CELF2: variants seen among roughly 807,000 people sequenced by gnomAD.
CELF2 encodes the protein CUGBP Elav-like family member 2.
CELF2 carries 8 observed loss-of-function variants against 62.6 expected under a neutral mutation model. The ratio of observed to expected loss-of-function variants is 0.13; its 90% CI spans 0.07 to 0.23. The LOEUF is 0.23. Among genes scored for constraint, CELF2 ranks in the 10% least tolerant of loss-of-function variants. The pLI is 1.00. For missense variants in CELF2, 333 were observed against 671.0 expected, an observed-to-expected ratio of 0.50 and a Z score of 5.56; for synonymous variants, 258 against 250.0, an observed-to-expected ratio of 1.03 and a Z score of -0.30.
At chr10:10,511,860 T>C in the CELF2 span, among the ~76,000 whole-genome samples, 1 of 152,220 alleles carries the variant, frequency 6.6e-6, no homozygotes, top group East Asian at 1.9e-4. Context: ...GTTTTCTTTA[T>C]TGAGGCTACA....
the CELF2 span, among the ~76,000 whole-genome samples, chr10:10,649,250 T>TTCTGAATG: frequency 6.6e-6 from 1 of 152,202 alleles, no homozygotes; most frequent in East Asian, 1.9e-4. Context: ...CAACAACATT[T>TTCTGAATG]TCTGAATGCA....
rs201076 is a variant in CELF2 at position 10,957,989 on chromosome 10, C to G, written c.89+37990C>G. ...TTAAGGAATGTATATGAAATCTTCA[C>G]CAGGTGGAGGGTGAAGTAAGCAAAT... is the stretch of plus-strand genomic sequence containing the variant. On this transcript the variant is annotated intron_variant, in intron 2 of 13. Coordinates refer to the CELF2 transcript ENST00000636488. This position sits in a 1 kb window ranked among gnomAD's most constrained non-coding sequence, Gnocchi z 4.1. Among the ~76,000 whole-genome samples, 18,802 of 152,154 alleles carry G rather than the reference C, an allele frequency of 0.12. 3,933 individuals are homozygous for G. Among genetic ancestry groups the G allele is most frequent in the African/African-American group, 0.43 (17,755 of 41,442 alleles).
chr10:11,003,617 C>T (rs968561417), upstream of CELF2, among the ~76,000 whole-genome samples: 1 of 152,028 alleles, frequency 6.6e-6, no homozygotes, highest in African/African-American at 2.4e-5. The surrounding 1 kb of genome is among the most constrained non-coding windows in gnomAD (Gnocchi z 4.4). Flanking sequence ...TAAAGAGAGC[C>T]ACAGAGAGGT....
At chr10:10,984,343 A>G (rs1475162980) in intron 2 of CELF2, among the ~76,000 whole-genome samples, 1 of 152,238 alleles carries the variant, frequency 6.6e-6, no homozygotes, top group African/African-American at 2.4e-5. Flanking sequence ...GCTGCCAAGT[A>G]GAACAATTAA....
chr10:10,998,256 C>T (rs1299100307), intron 2 of CELF2, among the ~76,000 whole-genome samples: 1 of 152,166 alleles, frequency 6.6e-6, no homozygotes, highest in Non-Finnish European at 1.5e-5. Context: ...TCATGGCTTC[C>T]TAATGGCAGA....
intron 1 of CELF2, among the ~76,000 whole-genome samples, chr10:11,136,661 T>A (rs1440312948): frequency 6.6e-6 from 1 of 152,158 alleles, no homozygotes; most frequent in Non-Finnish European, 1.5e-5. Context: ...AGTTAAACGA[T>A]AGCAGACAAA....
At chr10:10,857,135 A>C (rs2059762365) in intron 1 of CELF2, among the ~76,000 whole-genome samples, 1 of 152,134 alleles carries the variant, frequency 6.6e-6, no homozygotes, top group Non-Finnish European at 1.5e-5. Flanking sequence ...GAGAAGCTGG[A>C]GTAGCTTTGC....
intron 1 of CELF2, among the ~76,000 whole-genome samples, chr10:11,115,155 G>A (rs1303107485): frequency 1.3e-5 from 2 of 152,156 alleles, no homozygotes; most frequent in African/African-American, 4.8e-5. Flanking sequence ...AATATCTGGA[G>A]GTCAGCAAGG....
At chr10:10,481,611 A>G in the CELF2 span, among the ~76,000 whole-genome samples, 86,305 of 151,986 alleles carry the variant, frequency 0.57, 24,640 homozygotes, top group Admixed American at 0.65. Flanking sequence ...ACTAAAAGTC[A>G]CACCAGTACC....
chr10:10,567,220 G>C, the CELF2 span, among the ~76,000 whole-genome samples: 1 of 152,150 alleles, frequency 6.6e-6, no homozygotes, highest in Non-Finnish European at 1.5e-5. Flanking sequence ...AGAAGGAATA[G>C]AAATAAACTG....
the CELF2 span, among the ~76,000 whole-genome samples, chr10:10,522,253 C>G: frequency 6.6e-6 from 1 of 152,146 alleles, no homozygotes; most frequent in African/African-American, 2.4e-5. Context: ...AAAGTAGCAG[C>G]CAATTGACCT....
intron 1 of CELF2, among the ~76,000 whole-genome samples, chr10:10,891,382 C>T (rs1361615918): frequency 1.3e-5 from 2 of 152,018 alleles, no homozygotes; most frequent in Non-Finnish European, 2.9e-5. Context: ...TAATATTGCA[C>T]ATGACAAAAA....
chr10:11,217,558 C>A lies in CELF2; in HGVS notation c.354+51C>A. 1 of 1,369,220 alleles carries A rather than the reference C, an allele frequency of 7.3e-7. No individual in the cohort carries two copies. Among genetic ancestry groups the A allele is most frequent in the Non-Finnish European group, 1.0e-6 (1 of 967,328 alleles). 84.8% of individuals were successfully genotyped at this position (1,369,220 alleles called of 1,614,324 possible). ...AATCACTTTATTGCTTGAAAATGGTCCTTTCAACTGAAGGTTCTAGTTATG... is the reference window on the plus strand; with the variant it reads ...AATCACTTTATTGCTTGAAAATGGTACTTTCAACTGAAGGTTCTAGTTATG... On this transcript the variant is annotated intron_variant, in intron 3 of 12. Transcript: ENST00000633077. The surrounding 1 kb of genome is among the most constrained non-coding windows in gnomAD (Gnocchi z 5.6).
chr10:10,478,344 A>G, the CELF2 span, among the ~76,000 whole-genome samples: 1 of 152,216 alleles, frequency 6.6e-6, no homozygotes, highest in African/African-American at 2.4e-5. Flanking sequence ...CATTAAGTAT[A>G]TTACACATTT....
the CELF2 span, among the ~76,000 whole-genome samples, chr10:10,569,711 G>C: frequency 3.9e-5 from 6 of 152,292 alleles, no homozygotes; most frequent in East Asian, 1.2e-3. Flanking sequence ...TGAAGAAGCA[G>C]TTTCCAGGTG....
upstream of CELF2, among the ~76,000 whole-genome samples, chr10:11,014,810 G>T (rs941915206): frequency 6.6e-6 from 1 of 152,158 alleles, no homozygotes; most frequent in Non-Finnish European, 1.5e-5. Context: ...TTCTTGAATT[G>T]CCTTTTGTTT....
At chr10:10,474,809 A>C in the CELF2 span, among the ~76,000 whole-genome samples, 1 of 152,198 alleles carries the variant, frequency 6.6e-6, no homozygotes, top group East Asian at 1.9e-4. Flanking sequence ...CTCTCTCTAC[A>C]TGTGGCAGCA....
chr10:11,160,812 T>A (rs2065555977), intron 1 of CELF2, among the ~76,000 whole-genome samples: 1 of 152,246 alleles, frequency 6.6e-6, no homozygotes, highest in African/African-American at 2.4e-5. Flanking sequence ...AGCATTCGTA[T>A]AATAATTTAT....
At chr10:10,485,361 A>G in the CELF2 span, among the ~76,000 whole-genome samples, 6 of 152,196 alleles carry the variant, frequency 3.9e-5, no homozygotes, top group African/African-American at 1.4e-4. Context: ...TTATTTTAGC[A>G]TCCTATGTTA....
Sources: allele counts gnomAD v4.1 joint callset (sites outside exome capture counted in the v4.1 genomes callset), GRCh38; gene constraint gnomAD v4.1.1; non-coding constraint Gnocchi (gnomAD v3.1); transcripts MANE v1.5; gene names NCBI Gene and HGNC (gene_info 2026-07-23, HGNC 2026-07-21).